Variants in RSF1 observed in about 807,000 individuals in gnomAD.
RSF1 encodes the protein HBV pX-associated protein 8.
Under a neutral mutation model 145.2 loss-of-function variants are expected in RSF1, and 13 were observed. The ratio of observed to expected loss-of-function variants is 0.09; its 90% CI spans 0.06 to 0.14. The LOEUF (loss-of-function observed/expected upper bound fraction) is 0.14, where lower values mean the gene tolerates loss of function less well. RSF1 is among the 10% of genes least tolerant of loss of function. The pLI, the probability that RSF1 is intolerant of heterozygous loss-of-function variation, is 1.00. For missense variants in RSF1, 1,517 were observed against 1,718.2 expected (o/e 0.88, Z 2.07); for synonymous variants, 577 against 592.6 (o/e 0.97, Z 0.38).
intron 5 of RSF1, among the ~76,000 whole-genome samples, chr11:77,721,834 G>GAATC (rs1440190355): frequency 6.6e-6 from 1 of 152,136 alleles, no homozygotes; most frequent in Non-Finnish European, 1.5e-5. Flanking sequence ...ATGAATGAAT[G>GAATC]AATAAGAAAC....
At position 77,667,261 on chromosome 11, in the gene RSF1, T is replaced by C; in HGVS notation, c.3982A>G (p.Arg1328Gly). 2 of 1,614,178 alleles carry C rather than the reference T, an allele frequency of 1.2e-6. No homozygotes were observed. The highest frequency in any genetic ancestry group is 1.7e-6 in the Non-Finnish European group (2 of 1,180,020). Residue 1328 changes from arginine (R) to glycine (G), a missense_variant, in exon 16 of 16, where the codon AGG becomes GGG. Arg to Gly is a moderately radical substitution (Grantham distance 125). Around this residue, in one of 12 missense-constraint regions of RSF1, gnomAD observed 240 missense variants for 231.8 expected, o/e 1.04. Coordinates refer to ENST00000308488, the MANE Select transcript of RSF1 (RefSeq NM_016578.4). ...ANQPARDSQPRVLPSEQESTK... is the reference protein window; with the variant it reads ...ANQPARDSQPGVLPSEQESTK... The stretch of plus-strand genomic sequence containing the variant: ...CTCTCTTGTTCTGAGGGCAGGACCC[T>C]AGGCTGGCTGTCACGGGCAGGCTGA...
rs576702323 is a variant in RSF1 at position 77,692,886 on chromosome 11, C to T, written c.2820+621G>A. Among the ~76,000 whole-genome samples, 4 of 152,068 alleles carry T rather than the reference C, an allele frequency of 2.6e-5. No individual in the cohort carries two copies. The South Asian group carries it at 8.3e-4, about 32-fold the overall frequency. On this transcript the variant is annotated intron_variant, in intron 8 of 15. Coordinates refer to ENST00000308488, the MANE Select transcript of RSF1 (RefSeq NM_016578.4). ...AGAGACAGAGTTTCACCATGTTGGC[C>T]AGGATGGTCTCGATCTCTTGACCTT...
rs771624585 is a variant in RSF1, at chr11:77,661,005, G to A, written c.*5912C>T. ...GTAAAAGACTGTGCTAGAATCAGAAGTTCTACAAGATTTCAAAATACTTAG... is the reference window on the plus strand; with the variant it reads ...GTAAAAGACTGTGCTAGAATCAGAAATTCTACAAGATTTCAAAATACTTAG... On this transcript the variant is annotated 3_prime_UTR_variant, in exon 16 of 16. Transcript: ENST00000308488. 6.6e-6 allele frequency: 1 copy of A among 152,160 alleles called. No individual in the cohort carries two copies. Among genetic ancestry groups the A allele is most frequent in the South Asian group, 2.1e-4 (1 of 4,830 alleles). The allele number at this position is 152,160 out of a possible 1,614,324, so 9.4% of individuals were successfully genotyped here.
chr11:77,856,204 A>G, the RSF1 span, among the ~76,000 whole-genome samples: 1 of 152,242 alleles, frequency 6.6e-6, no homozygotes, highest in East Asian at 1.9e-4. Context: ...GCAGGGGCAC[A>G]ATGCCCCCAG....
the RSF1 span, among the ~76,000 whole-genome samples, chr11:77,845,265 G>A: frequency 6.6e-6 from 1 of 152,056 alleles, no homozygotes; most frequent in Non-Finnish European, 1.5e-5. Flanking sequence ...ACAGGTCTCT[G>A]AGTCTATATT....
At chr11:77,850,433 T>C in the RSF1 span, among the ~76,000 whole-genome samples, 8 of 152,342 alleles carry the variant, frequency 5.3e-5, 1 homozygote, top group East Asian at 1.2e-3. Context: ...CTTGCTCATT[T>C]CTATCCTAAG....
intron 1 of RSF1, among the ~76,000 whole-genome samples, chr11:77,808,434 G>GATTCATGTTC (rs770768909): frequency 1.3e-5 from 2 of 150,716 alleles, no homozygotes; most frequent in Non-Finnish European, 3.0e-5. Context: ...AGCTGGTTAA[G>GATTCATGTTC]ATTCATGTTC....
intron 1 of RSF1, among the ~76,000 whole-genome samples, chr11:77,795,511 T>C (rs999697852): frequency 6.6e-6 from 1 of 152,136 alleles, no homozygotes; most frequent in Non-Finnish European, 1.5e-5. Context: ...AGTATTGGTA[T>C]AAAATCAGAC....
At chr11:77,780,234 T>C (rs951847865) in intron 1 of RSF1, among the ~76,000 whole-genome samples, 6 of 152,206 alleles carry the variant, frequency 3.9e-5, no homozygotes, top group Non-Finnish European at 8.8e-5. Flanking sequence ...AACTTTTTGA[T>C]AAACATCAAC....
At chr11:77,775,513 G>A (rs1167395155) in intron 1 of RSF1, among the ~76,000 whole-genome samples, 1 of 152,186 alleles carries the variant, frequency 6.6e-6, no homozygotes, top group African/African-American at 2.4e-5. Context: ...ATGGACATCT[G>A]TATATAGGAG....
At chr11:77,755,337 G>A (rs189186970) in intron 2 of RSF1, among the ~76,000 whole-genome samples, 11 of 152,292 alleles carry the variant, frequency 7.2e-5, no homozygotes, top group Admixed American at 3.3e-4. Context: ...GATGTGGAGG[G>A]TGAATGGAAA....
In RSF1 at chr11:77,700,943, T is replaced by G; in HGVS notation, c.2286A>C (p.Thr762=). Residue 762 remains threonine, a synonymous_variant, in exon 6 of 16, where the codon ACA becomes ACC. Transcript: ENST00000308488. ...CATTTGTTTTCTCCTCTTCCTTTTC[T>G]GTCTTCTCTTGCTTGTTTTCTGGTT... The part of the protein sequence containing the change: ...VLEPENKQEK[T]EKEEEKTNVG... 6.2e-7 allele frequency: 1 copy of G among 1,613,330 alleles called. No homozygotes were observed. The highest frequency in any genetic ancestry group is 1.1e-5 in the South Asian group (1 of 90,984).
At chr11:77,757,563 A>C (rs1339776945) in intron 2 of RSF1, among the ~76,000 whole-genome samples, 1 of 152,204 alleles carries the variant, frequency 6.6e-6, no homozygotes, top group Admixed American at 6.5e-5. Flanking sequence ...CTGTAATCCC[A>C]GCTACTTGGG....
chr11:77,698,049 A>T (rs1484515306), intron 7 of RSF1, among the ~76,000 whole-genome samples: 1 of 152,190 alleles, frequency 6.6e-6, no homozygotes, highest in Non-Finnish European at 1.5e-5. Context: ...GGGTCTTGCT[A>T]TGCTGCCCAG....
intron 4 of RSF1, among the ~76,000 whole-genome samples, chr11:77,726,619 G>A (rs1254241773): frequency 6.6e-6 from 1 of 152,132 alleles, no homozygotes; most frequent in Non-Finnish European, 1.5e-5. Context: ...ATAAAAAGCA[G>A]GCCCTGGACT....
At chr11:77,689,036 G>T (rs1960082410) in intron 9 of RSF1, among the ~76,000 whole-genome samples, 1 of 152,202 alleles carries the variant, frequency 6.6e-6, no homozygotes, top group South Asian at 2.1e-4. Context: ...TGAGTCAGGG[G>T]ATATAAGGTA....
intron 15 of RSF1, 80 bp from the exon 16 acceptor site, chr11:77,667,571 C>T: frequency 8.0e-7 from 1 of 1,255,960 alleles, no homozygotes; most frequent in East Asian, 2.3e-5. Flanking sequence ...CCGATATTCA[C>T]CCCACGTCCT....
chr11:77,683,678 T>C, intron 11 of RSF1, 32 bp downstream of exon 11: 2 of 1,452,092 alleles, frequency 1.4e-6, no homozygotes, highest in Non-Finnish European at 1.9e-6. Context: ...ATAAATCCTC[T>C]TTTGCTGTAG....
At chr11:77,845,982 C>T in the RSF1 span, among the ~76,000 whole-genome samples, 1 of 151,548 alleles carries the variant, frequency 6.6e-6, no homozygotes, top group Non-Finnish European at 1.5e-5. Flanking sequence ...TTCTTAATGT[C>T]TTTGTTGTTT....
Sources: gnomAD v4.1 joint callset for allele counts (sites outside exome capture counted in the v4.1 genomes callset) on GRCh38, gnomAD v4.1.1 for gene constraint, gnomAD v4.1.1 regional missense constraint, MANE v1.5 for transcripts, NCBI Gene and HGNC (gene_info 2026-07-23, HGNC 2026-07-21) for gene names.